The following NECTIN3 variants were observed in gnomAD, a reference collection of about 807,000 sequenced individuals.
The protein encoded by NECTIN3 is nectin cell adhesion molecule 3, also known as nectin-3.
A neutral mutation model predicts 49.4 loss-of-function variants in NECTIN3; 8 were observed. That is an observed-to-expected ratio of 0.16 (90% CI 0.10 to 0.29). The LOEUF (loss-of-function observed/expected upper bound fraction) is 0.29. Among genes scored for constraint, NECTIN3 ranks in the 10% least tolerant of loss-of-function variants. The pLI, the probability that NECTIN3 is intolerant of heterozygous loss-of-function variation, is 1.00. For synonymous variants in NECTIN3, 277 were observed against 241.1 expected (o/e 1.15, Z -1.38); for missense variants, 581 against 654.6 (o/e 0.89, Z 1.23).
chr3:111,085,841 G>A (rs1462468235), intron 1 of NECTIN3, among the ~76,000 whole-genome samples: 1 of 151,986 alleles, frequency 6.6e-6, no homozygotes, highest in Non-Finnish European at 1.5e-5. Context: ...CATCGTGCCT[G>A]TTTTTGGTGG....
At chr3:111,145,041 G>A in intron 6 of NECTIN3, 1 of 1,535,812 alleles carries the variant, frequency 6.5e-7, no homozygotes, top group Non-Finnish European at 8.7e-7. Context: ...ACAAAGTGTA[G>A]GTAACTTTTT....
intron 1 of NECTIN3, among the ~76,000 whole-genome samples, chr3:111,079,632 C>T (rs1475061943): frequency 6.6e-6 from 1 of 151,654 alleles, no homozygotes; most frequent in Non-Finnish European, 1.5e-5. Context: ...CAGTTCTATA[C>T]TTCTCTTTAA....
Position 111,135,034 on chromosome 3 carries a change from A to G in NECTIN3, c.*819A>G, listed in dbSNP as rs1576150890. On this transcript the variant is annotated 3_prime_UTR_variant, in exon 6 of 6. Coordinates refer to ENST00000485303, the MANE Select transcript of NECTIN3 (RefSeq NM_015480.3). ...GTACATTAGCAGTAGCCTTATTTTA[A>G]TGCTTTATGTCCTAAACATACTAAT... The G allele has an allele frequency of 1.0e-6, 1 of 981,366 alleles. No individual in the cohort carries two copies. Among genetic ancestry groups the G allele is most frequent in the Non-Finnish European group, 1.2e-6 (1 of 826,436 alleles). 60.8% of individuals were successfully genotyped at this position (981,366 alleles called of 1,614,324 possible).
At chr3:111,094,675 A>T (rs192856482) in intron 1 of NECTIN3, among the ~76,000 whole-genome samples, 1 of 152,326 alleles carries the variant, frequency 6.6e-6, no homozygotes, top group African/African-American at 2.4e-5. Flanking sequence ...CACAAGATGG[A>T]TTCAGTTCCC....
rs755608153 is a variant in NECTIN3 at position 111,118,950 on chromosome 3, A to T, written c.797A>T (p.Gln266Leu). The T allele has an allele frequency of 1.3e-6, 2 of 1,590,906 alleles. No individual in the cohort carries two copies. The highest frequency in any genetic ancestry group is 1.7e-6 in the Non-Finnish European group (2 of 1,167,206). The change falls in exon 3 of 6, where the codon CAG (glutamine) becomes CTG (leucine). Residue 266 changes from glutamine (Q) to leucine (L), a missense_variant and splice_region_variant. By Grantham distance (113) the Gln-to-Leu change is moderately radical. Coordinates refer to ENST00000485303, the MANE Select transcript of NECTIN3 (RefSeq NM_015480.3). ...CGATACTCTTTCATATTAGACATAC[A>T]GTGTAAGTAAATGGTAACATTTACT... ...DIRYSFILDI[Q>L]YAPEVSVTGY...
intron 5 of NECTIN3, among the ~76,000 whole-genome samples, chr3:111,144,275 A>G (rs965840132): frequency 2.6e-5 from 4 of 152,060 alleles, no homozygotes; most frequent in African/African-American, 9.7e-5. Context: ...GGAGATAGGA[A>G]GAATTTCTAT....
chr3:111,181,477 A>C (rs1367656318), intron 7 of NECTIN3, among the ~76,000 whole-genome samples: 1 of 152,172 alleles, frequency 6.6e-6, no homozygotes, highest in Admixed American at 6.5e-5. Context: ...TAATCTCATA[A>C]AAGGAGTTTC....
chr3:111,191,689 T>C (rs2035816088), upstream of NECTIN3, among the ~76,000 whole-genome samples: 1 of 152,072 alleles, frequency 6.6e-6, no homozygotes, highest in Non-Finnish European at 1.5e-5. Context: ...AAATAATGTC[T>C]CATTACCACC....
At chr3:111,171,012 A>T (rs1458895678) in intron 7 of NECTIN3, among the ~76,000 whole-genome samples, 2 of 152,220 alleles carry the variant, frequency 1.3e-5, no homozygotes, top group African/African-American at 4.8e-5. Flanking sequence ...AACATATGTC[A>T]TTACTAATTA....
At chr3:111,145,581 A>G (rs981410936) in intron 6 of NECTIN3, among the ~76,000 whole-genome samples, 2 of 152,190 alleles carry the variant, frequency 1.3e-5, no homozygotes, top group African/African-American at 2.4e-5. Context: ...TAGAGTTGTA[A>G]GGCAGAAATT....
At chr3:111,174,855 T>A (rs2035497640) in intron 7 of NECTIN3, among the ~76,000 whole-genome samples, 1 of 152,176 alleles carries the variant, frequency 6.6e-6, no homozygotes, top group East Asian at 1.9e-4. Flanking sequence ...GTGGACCCTC[T>A]GCCTTTCTGC....
chr3:111,117,901 T>C (rs767342578), intron 2 of NECTIN3, among the ~76,000 whole-genome samples: 2 of 152,088 alleles, frequency 1.3e-5, no homozygotes, highest in African/African-American at 4.8e-5. Flanking sequence ...TGAGGAACTT[T>C]CTTATATTGG....
chr3:111,118,651 A>C lies in NECTIN3; in HGVS notation c.503-5A>C, dbSNP rs751548870. On this transcript the variant is annotated splice_polypyrimidine_tract_variant and splice_region_variant and intron_variant, in intron 2 of 5. Transcript: ENST00000485303. Reference sequence around the variant, plus strand: ...TAACTAATTATTAAAAAAATATTTAAACAGTTGAACCCACTGTGAGCCTGA... The same window carrying C: ...TAACTAATTATTAAAAAAATATTTACACAGTTGAACCCACTGTGAGCCTGA... The C allele has an allele frequency of 3.9e-6, 6 of 1,534,576 alleles. No homozygotes were observed. In the African/African-American group the frequency reaches 7.0e-5, roughly 18 times the overall value.
At chr3:111,140,314 G>C (rs2034710137), downstream of NECTIN3, among the ~76,000 whole-genome samples, 2 of 151,168 alleles carry the variant, frequency 1.3e-5, no homozygotes, top group South Asian at 4.1e-4. Context: ...TTGTTAATGA[G>C]TAAATGTAAA....
intron 1 of NECTIN3, among the ~76,000 whole-genome samples, chr3:111,090,622 TA>T (rs1210734160): frequency 9.9e-5 from 15 of 151,110 alleles, no homozygotes; most frequent in African/African-American, 3.2e-4. Flanking sequence ...TTTGCATCTT[TA>T]TTTTTTTATA....
At chr3:111,127,474 TTTTTTTTTTTG>T (rs1445950531) in intron 5 of NECTIN3, among the ~76,000 whole-genome samples, 2 of 151,594 alleles carry the variant, frequency 1.3e-5, no homozygotes, top group African/African-American at 4.8e-5. Flanking sequence ...TCTTTTTTTT[TTTTTTTTTTTG>T]CATGAGTCTA....
rs1029102077 is a variant in NECTIN3, at chr3:111,155,384, A to G, written c.1221+7900A>G. Among the ~76,000 whole-genome samples, 7 of 152,198 alleles carry G rather than the reference A, an allele frequency of 4.6e-5. 1 individual carries two copies. Among genetic ancestry groups the G allele is most frequent in the East Asian group, 1.9e-4 (1 of 5,192 alleles). On this transcript the variant is annotated intron_variant, in intron 7 of 8. Transcript: ENST00000493615. ...TATTTAATCAAGACTTGATTGATTC[A>G]TGAGTAAACAGAAATAAGGAACCAT...
downstream of NECTIN3, among the ~76,000 whole-genome samples, chr3:111,139,973 TG>T (rs1443466301): frequency 6.6e-6 from 1 of 151,914 alleles, no homozygotes; most frequent in Non-Finnish European, 1.5e-5. Context: ...AAAACATTTT[TG>T]GTAAAACTAC....
intron 1 of NECTIN3, among the ~76,000 whole-genome samples, chr3:111,076,795 C>T (rs1559761833): frequency 1.3e-5 from 2 of 151,736 alleles, no homozygotes; most frequent in African/African-American, 2.4e-5. Flanking sequence ...GCCAATATGG[C>T]GAAACCCCGT....
Sources: allele counts gnomAD v4.1 joint callset (sites outside exome capture counted in the v4.1 genomes callset), GRCh38; gene constraint gnomAD v4.1.1; transcripts MANE v1.5; gene names NCBI Gene and HGNC (gene_info 2026-07-23, HGNC 2026-07-21).